TMEM45A: variants seen among roughly 807,000 people sequenced by gnomAD.
TMEM45A encodes transmembrane protein 45A, also known as DNA polymerase-transactivated protein 4.
Under a neutral mutation model 32.0 loss-of-function variants are expected in TMEM45A, and 25 were observed. The ratio of observed to expected loss-of-function variants is 0.78; its 90% CI spans 0.57 to 1.09. The LOEUF (loss-of-function observed/expected upper bound fraction) is 1.09, where lower values mean the gene tolerates loss of function less well. TMEM45A is among the 50% of genes least tolerant of loss of function. The pLI is 0.00. For synonymous variants in TMEM45A, 122 were observed against 114.8 expected (o/e 1.06, Z -0.40); for missense variants, 302 against 325.0 (o/e 0.93, Z 0.54).
intron 1 of TMEM45A, among the ~76,000 whole-genome samples, chr3:100,520,536 T>C (rs1340938471): frequency 6.6e-6 from 1 of 152,168 alleles, no homozygotes; most frequent in Non-Finnish European, 1.5e-5. Flanking sequence ...TGCTCTGTTA[T>C]CCATGTGGCC....
At chr3:100,532,872 T>A (rs753723645) in intron 1 of TMEM45A, among the ~76,000 whole-genome samples, 4 of 152,202 alleles carry the variant, frequency 2.6e-5, no homozygotes, top group Admixed American at 1.3e-4. Flanking sequence ...GAGGATGCTA[T>A]GCAGCTCCTA....
chr3:100,506,703 G>T (rs1410768866), intron 1 of TMEM45A, among the ~76,000 whole-genome samples: 1 of 152,178 alleles, frequency 6.6e-6, no homozygotes, highest in Non-Finnish European at 1.5e-5. Context: ...ATTCAGCTAA[G>T]ATATTGGCTA....
At chr3:100,567,267 T>C (rs1706461552) in intron 4 of TMEM45A, among the ~76,000 whole-genome samples, 1 of 151,984 alleles carries the variant, frequency 6.6e-6, no homozygotes, top group Admixed American at 6.5e-5. Context: ...AAGACTGTTC[T>C]TTCCCCATTG....
chr3:100,526,665 C>G (rs887457918), intron 1 of TMEM45A, among the ~76,000 whole-genome samples: 7 of 152,090 alleles, frequency 4.6e-5, no homozygotes, highest in Non-Finnish European at 8.8e-5. Flanking sequence ...CCATAAAGAA[C>G]TTTGTTATTT....
chr3:100,519,684 T>A, intron 1 of TMEM45A: 1 of 1,420,784 alleles, frequency 7.0e-7, no homozygotes, highest in Non-Finnish European at 9.7e-7. Flanking sequence ...CATAAAGACC[T>A]AGTTTGAACC....
intron 4 of TMEM45A, among the ~76,000 whole-genome samples, chr3:100,568,547 A>G (rs1706490934): frequency 6.6e-6 from 1 of 152,242 alleles, no homozygotes; most frequent in African/African-American, 2.4e-5. Flanking sequence ...GAAACCCAAG[A>G]CATTCTCTTA....
chr3:100,532,373 T>C (rs1359608992), intron 1 of TMEM45A, among the ~76,000 whole-genome samples: 1 of 152,210 alleles, frequency 6.6e-6, no homozygotes, highest in East Asian at 1.9e-4. Flanking sequence ...AACAACTTTT[T>C]GGAAAGATAA....
Position 100,520,012 on chromosome 3 carries a change from A to G in TMEM45A, c.-4+27084A>G, listed in dbSNP as rs115421775. On this transcript the variant is annotated intron_variant, in intron 1 of 5. Transcript: ENST00000323523. ...TATCCACTCAACACTTAGGTACTGA[A>G]CCACTTACTGTATGCCAGACACAGT... 5.8e-3 allele frequency among the ~76,000 whole-genome samples: 879 copies of G among 152,270 alleles called. 9 individuals are homozygous for G. The highest frequency in any genetic ancestry group is 0.02 in the African/African-American group (847 of 41,546).
Position 100,555,311 on chromosome 3 carries a change from C to G in TMEM45A, c.100C>G (p.Gln34Glu). 2 of 1,613,986 alleles carry G rather than the reference C, an allele frequency of 1.2e-6. No homozygotes were observed. Among genetic ancestry groups the G allele is most frequent in the Non-Finnish European group, 1.7e-6 (2 of 1,179,952 alleles). The change falls in exon 2 of 6, where the codon CAA (glutamine) becomes GAA (glutamate). Residue 34 changes from glutamine to glutamate, a missense_variant. By Grantham distance (29) the Gln-to-Glu change is conservative (BLOSUM62 2). Transcript: ENST00000323523. ...KSILKYICKK[Q>E]KRTCYLGSKT... ...TATTCTGAAGTATATCTGCAAAAAG[C>G]AAAAGCGAACCTGCTATCTTGGTTC...
Position 100,507,556 on chromosome 3 carries a change from A to G in TMEM45A, c.-4+14628A>G, listed in dbSNP as rs184562108. On this transcript the variant is annotated intron_variant, in intron 1 of 5. Coordinates refer to ENST00000323523, the MANE Select transcript of TMEM45A (RefSeq NM_018004.3). ...GTCTTAAAATCACTTTTTCACCTAGAAAGGTTTTCAATAAATGTTCTTGGA... is the reference window on the plus strand; with the variant it reads ...GTCTTAAAATCACTTTTTCACCTAGGAAGGTTTTCAATAAATGTTCTTGGA... 4.8e-3 allele frequency among the ~76,000 whole-genome samples: 730 copies of G among 152,220 alleles called. 2 individuals are homozygous for G. Among genetic ancestry groups the G allele is most frequent in the Non-Finnish European group, 8.5e-3 (581 of 68,006 alleles).
intron 4 of TMEM45A, among the ~76,000 whole-genome samples, chr3:100,564,956 T>G (rs905201949): frequency 2.6e-5 from 4 of 152,246 alleles, no homozygotes; most frequent in Non-Finnish European, 4.4e-5. Flanking sequence ...ACTGCTGAGA[T>G]GTCTCAAACT....
chr3:100,576,268 G>T (rs1481072496), intron 5 of TMEM45A, among the ~76,000 whole-genome samples: 2 of 152,184 alleles, frequency 1.3e-5, no homozygotes, highest in Non-Finnish European at 2.9e-5. Flanking sequence ...GGCCAAGATG[G>T]TGAAACCCCA....
intron 4 of TMEM45A, among the ~76,000 whole-genome samples, chr3:100,559,652 T>C (rs1204812391): frequency 6.6e-6 from 1 of 152,058 alleles, no homozygotes; most frequent in East Asian, 1.9e-4. Context: ...TGGAATGTTT[T>C]ACTATATACA....
intron 1 of TMEM45A, among the ~76,000 whole-genome samples, chr3:100,503,409 C>T (rs1251275723): frequency 6.6e-6 from 1 of 152,128 alleles, no homozygotes; most frequent in Non-Finnish European, 1.5e-5. Flanking sequence ...CTGGCCTCTC[C>T]TTGCTGCTTC....
At chr3:100,543,936 G>T (rs950414041) in intron 1 of TMEM45A, among the ~76,000 whole-genome samples, 4 of 152,104 alleles carry the variant, frequency 2.6e-5, no homozygotes, top group African/African-American at 9.7e-5. Context: ...GTAAAATGGG[G>T]GCGATAGCAT....
intron 5 of TMEM45A, among the ~76,000 whole-genome samples, chr3:100,569,206 T>C (rs1706507220): frequency 6.6e-6 from 1 of 152,204 alleles, no homozygotes; most frequent in Non-Finnish European, 1.5e-5. Context: ...ACATTTCCCT[T>C]CATCACACTC....
intron 1 of TMEM45A, among the ~76,000 whole-genome samples, chr3:100,550,403 G>T (rs1706072149): frequency 1.3e-5 from 2 of 152,096 alleles, no homozygotes; most frequent in South Asian, 4.1e-4. Context: ...GATACAATTT[G>T]AGTATTAAGA....
chr3:100,502,659 T>C (rs1272055928), intron 1 of TMEM45A, among the ~76,000 whole-genome samples: 1 of 152,154 alleles, frequency 6.6e-6, no homozygotes, highest in Non-Finnish European at 1.5e-5. Flanking sequence ...TTTGTAAAGA[T>C]GGGATCTCCC....
intron 1 of TMEM45A, among the ~76,000 whole-genome samples, chr3:100,496,999 T>C (rs1223305607): frequency 2.6e-5 from 4 of 152,208 alleles, no homozygotes; most frequent in Non-Finnish European, 5.9e-5. Flanking sequence ...TGAATATCAA[T>C]GAAGGTCTAT....
Sources: allele counts gnomAD v4.1 joint callset (sites outside exome capture counted in the v4.1 genomes callset), GRCh38; gene constraint gnomAD v4.1.1; transcripts MANE v1.5; gene names NCBI Gene and HGNC (gene_info 2026-07-23, HGNC 2026-07-21).